The following UBE2E1 variants were observed in gnomAD, a reference collection of about 807,000 sequenced individuals.
UBE2E1 encodes the protein ubiquitin conjugating enzyme E2 E1.
Under a neutral mutation model 21.4 loss-of-function variants are expected in UBE2E1, and 6 were observed. That is an observed-to-expected ratio of 0.28 (90% CI 0.15 to 0.55). The LOEUF (loss-of-function observed/expected upper bound fraction) is 0.55. UBE2E1 is among the 20% of genes least tolerant of loss of function. The pLI, the probability that UBE2E1 is intolerant of heterozygous loss-of-function variation, is 0.93. For missense variants in UBE2E1, 142 were observed against 236.5 expected (o/e 0.60, Z 2.62); for synonymous variants, 87 against 82.7 (o/e 1.05, Z -0.28).
chr3:23,876,530 G>A lies in UBE2E1; in HGVS notation c.204-11037G>A, dbSNP rs925674944. On this transcript the variant is annotated intron_variant, in intron 3 of 5. Coordinates refer to ENST00000306627, the MANE Select transcript of UBE2E1 (RefSeq NM_003341.5). This position sits in a 1 kb window ranked among gnomAD's most constrained non-coding sequence, Gnocchi z 4.3. ...TCTTAGCAATAGAAGAGTAAATCAG[G>A]AGTGGATTTTTAGTAGTGTGTTTGT... Among the ~76,000 whole-genome samples the A allele has an allele frequency of 1.3e-5, 2 of 152,122 alleles. No homozygotes were observed. The highest frequency in any genetic ancestry group is 4.8e-5 in the African/African-American group (2 of 41,406).
intron 3 of UBE2E1, among the ~76,000 whole-genome samples, chr3:23,858,410 C>T (rs1237685236): frequency 3.9e-5 from 6 of 152,144 alleles, no homozygotes; most frequent in African/African-American, 1.4e-4. Context: ...ACCTCTGCCT[C>T]CTGGGTTCAA....
chr3:23,815,491 C>G (rs187823394), intron 3 of UBE2E1, among the ~76,000 whole-genome samples: 2 of 152,332 alleles, frequency 1.3e-5, no homozygotes, highest in Admixed American at 1.3e-4. Context: ...TCCTTGCACA[C>G]AGATGCTCCA....
intron 3 of UBE2E1, among the ~76,000 whole-genome samples, chr3:23,851,501 AT>A (rs1212502432): frequency 6.6e-6 from 1 of 152,102 alleles, no homozygotes; most frequent in African/African-American, 2.4e-5. Flanking sequence ...TTTGAGAAGT[AT>A]TCCCATATTA....
chr3:23,840,047 G>T (rs1277680303), intron 3 of UBE2E1, among the ~76,000 whole-genome samples: 2 of 152,030 alleles, frequency 1.3e-5, no homozygotes, highest in Non-Finnish European at 2.9e-5. Flanking sequence ...CTGACTTCAA[G>T]TTTCTTATTT....
rs1701128096 is a variant in UBE2E1, at chr3:23,884,417, A to C, written c.204-3150A>C. Among the ~76,000 whole-genome samples, 3 of 152,146 alleles carry C rather than the reference A, an allele frequency of 2.0e-5. No individual in the cohort carries two copies. The South Asian group carries it at 6.2e-4, about 31-fold the overall frequency. On this transcript the variant is annotated intron_variant, in intron 3 of 5. Coordinates refer to ENST00000306627, the MANE Select transcript of UBE2E1 (RefSeq NM_003341.5). The stretch of plus-strand genomic sequence containing the variant: ...TCATTGTTGTGGGTGGGGCACTTAA[A>C]TATATGGATTCTTGGGTCCCCTCTA...
intron 3 of UBE2E1, among the ~76,000 whole-genome samples, chr3:23,837,091 T>C (rs1699989100): frequency 6.6e-6 from 1 of 152,240 alleles, no homozygotes; most frequent in African/African-American, 2.4e-5. Context: ...TTTCCTTATC[T>C]GTAAGATAGG....
chr3:23,889,375 C>G (rs1300717455), intron 5 of UBE2E1, 116 bp downstream of exon 5: 1 of 1,539,948 alleles, frequency 6.5e-7, no homozygotes, highest in South Asian at 1.2e-5. Flanking sequence ...AATACAAAAA[C>G]TAATCGGCTT....
intron 2 of UBE2E1, 24 bp from the exon 3 acceptor site, chr3:23,811,436 T>A (rs757782399): frequency 1.2e-6 from 2 of 1,614,042 alleles, no homozygotes; most frequent in East Asian, 4.5e-5. Context: ...CTTGTGTTTG[T>A]CTTTCCCATT....
At chr3:23,856,222 G>T (rs1379067734) in intron 3 of UBE2E1, among the ~76,000 whole-genome samples, 1 of 152,050 alleles carries the variant, frequency 6.6e-6, no homozygotes, top group African/African-American at 2.4e-5. Context: ...TAGAGACAGG[G>T]TTTCACCATA....
chr3:23,807,579 A>C, intron 2 of UBE2E1, 158 bp downstream of exon 2: 1 of 856,930 alleles, frequency 1.2e-6, no homozygotes. Flanking sequence ...TATTTTCTCT[A>C]TTGCTGCTTC....
chr3:23,868,556 C>G (rs1700706496), intron 3 of UBE2E1, among the ~76,000 whole-genome samples: 1 of 152,166 alleles, frequency 6.6e-6, no homozygotes, highest in South Asian at 2.1e-4. Context: ...ATCCGCCTGC[C>G]TCAGCCTCCC....
At chr3:23,855,025 A>T (rs1047075240) in intron 3 of UBE2E1, among the ~76,000 whole-genome samples, 1 of 152,246 alleles carries the variant, frequency 6.6e-6, no homozygotes, top group Non-Finnish European at 1.5e-5. Context: ...TGTGAGAGAC[A>T]GTATCTTTGA....
Position 23,890,494 on chromosome 3 carries a change from A to C in UBE2E1, c.485-15A>C. Reference sequence around the variant, plus strand: ...TTTTCCTTTCTCCAAAGTAATCTACATTCTTTTCTTCCAGCCGACCCCTTG... The same window carrying C: ...TTTTCCTTTCTCCAAAGTAATCTACCTTCTTTTCTTCCAGCCGACCCCTTG... On this transcript the variant is annotated splice_polypyrimidine_tract_variant and intron_variant, in intron 5 of 5. Coordinates refer to ENST00000306627, the MANE Select transcript of UBE2E1 (RefSeq NM_003341.5). The C allele has an allele frequency of 1.9e-6, 3 of 1,608,254 alleles. No individual in the cohort carries two copies. The highest frequency in any genetic ancestry group is 2.5e-6 in the Non-Finnish European group (3 of 1,177,714).
intron 3 of UBE2E1, among the ~76,000 whole-genome samples, chr3:23,885,658 C>T (rs1701164955): frequency 6.6e-6 from 1 of 152,008 alleles, no homozygotes; most frequent in Non-Finnish European, 1.5e-5. Context: ...GTCGGGAGTT[C>T]AAGACCAGCC....
In UBE2E1 at chr3:23,806,877, C is replaced by G. The variant is rs1699287337; in HGVS notation, c.-33-360C>G. The G allele has an allele frequency of 6.2e-6, 1 of 162,474 alleles. No individual in the cohort carries two copies. The highest frequency in any genetic ancestry group is 1.3e-5 in the Non-Finnish European group (1 of 75,362). 10.1% of individuals were successfully genotyped at this position (162,474 alleles called of 1,614,324 possible). A position where few individuals can be genotyped will look rare whatever the true frequency, so the allele number is the denominator to read the frequency against. On this transcript the variant is annotated intron_variant, in intron 1 of 5. Transcript: ENST00000306627. The surrounding 1 kb of genome is among the most constrained non-coding windows in gnomAD (Gnocchi z 6.5). ...CGGACAAAAACAGCCCCGAGGCCGG[C>G]CGGCCGCCGGGACCTTCCCTCCCTG... is the stretch of plus-strand genomic sequence containing the variant.
rs1005589417 is a variant in UBE2E1 at position 23,887,712 on chromosome 3, C to A, written c.336+13C>A. ...CAAGCCTCCAAAGGTAAGAAATCTC[C>A]CTGTATGCTCAAATTTACTAATTCC... is the stretch of plus-strand genomic sequence containing the variant. On this transcript the variant is annotated intron_variant, in intron 4 of 5. Coordinates refer to ENST00000306627, the MANE Select transcript of UBE2E1 (RefSeq NM_003341.5). The surrounding 1 kb of genome is among the most constrained non-coding windows in gnomAD (Gnocchi z 4.4). 1 of 1,591,760 alleles carries A rather than the reference C, an allele frequency of 6.3e-7. No homozygotes were observed.
At chr3:23,829,217 A>G (rs1333007670) in intron 3 of UBE2E1, among the ~76,000 whole-genome samples, 3 of 150,286 alleles carry the variant, frequency 2.0e-5, no homozygotes, top group Non-Finnish European at 3.0e-5. Flanking sequence ...CTGGAATGCA[A>G]TGGTGTGATC....
At position 23,842,250 on chromosome 3, in the gene UBE2E1, G is replaced by GTGTGTGTGTGTGTTGT. The variant is rs1553637746; in HGVS notation, c.203+30743_203+30744insGTGTGTGTGTTGTTGT. Among the ~76,000 whole-genome samples the GTGTGTGTGTGTGTTGT allele has an allele frequency of 2.3e-5, 2 of 86,288 alleles. 1 individual carries two copies. Among genetic ancestry groups the GTGTGTGTGTGTGTTGT allele is most frequent in the Admixed American group, 2.6e-4 (2 of 7,690 alleles). The allele number at this position is 86,288 out of a possible 152,430, so 56.6% of individuals were successfully genotyped here. On this transcript the variant is annotated intron_variant, in intron 3 of 5. Transcript: ENST00000306627. The surrounding 1 kb of genome is among the most constrained non-coding windows in gnomAD (Gnocchi z 4.6). The stretch of plus-strand genomic sequence containing the variant: ...GTGTGTGTGTGTGTGTGTGTGTGTG[G>GTGTGTGTGTGTGTTGT]TGTTGTTGTTGTTGGCGACAGGGTC...
At position 23,850,837 on chromosome 3, in the gene UBE2E1, C is replaced by CTTTTT. The variant is rs71057628; in HGVS notation, c.204-36711_204-36707dup. Among the ~76,000 whole-genome samples, 1,140 of 128,140 alleles carry CTTTTT rather than the reference C, an allele frequency of 8.9e-3. 12 individuals carry two copies. Among genetic ancestry groups the CTTTTT allele is most frequent in the Non-Finnish European group, 0.012 (735 of 61,714 alleles). 84.1% of individuals were successfully genotyped at this position (128,140 alleles called of 152,430 possible). ...TACAGATGTGCGCCACCACACCCAG[C>CTTTTT]TTTTTTTTTTTTTTTTTTTTTTTAA... On this transcript the variant is annotated intron_variant, in intron 3 of 5. Transcript: ENST00000306627.
Sources: gnomAD v4.1 joint callset for allele counts (sites outside exome capture counted in the v4.1 genomes callset) on GRCh38, gnomAD v4.1.1 for gene constraint, Gnocchi (gnomAD v3.1) non-coding constraint, MANE v1.5 for transcripts, NCBI Gene and HGNC (gene_info 2026-07-23, HGNC 2026-07-21) for gene names.